RARB: variants seen among roughly 807,000 people sequenced by gnomAD.
The protein encoded by RARB is HBV-activated protein.
Under a neutral mutation model 51.9 loss-of-function variants are expected in RARB, and 17 were observed. That is an observed-to-expected ratio of 0.33 (90% CI 0.22 to 0.49). The LOEUF is 0.49. RARB is among the 20% of genes least tolerant of loss of function. The pLI, the probability that RARB is intolerant of heterozygous loss-of-function variation, is 0.99. For missense variants in RARB, 369 were observed against 550.8 expected, an observed-to-expected ratio of 0.67 and a Z score of 3.30; for synonymous variants, 215 against 195.4, an observed-to-expected ratio of 1.10 and a Z score of -0.84.
intron 3 of RARB, among the ~76,000 whole-genome samples, chr3:25,098,949 A>C (rs546500945): frequency 7.9e-5 from 12 of 152,324 alleles, no homozygotes; most frequent in Middle Eastern, 6.8e-3. Flanking sequence ...TAAGATATTT[A>C]AGATGCTGCA....
intron 5 of RARB, among the ~76,000 whole-genome samples, chr3:25,307,865 T>G (rs1704190598): frequency 6.6e-6 from 1 of 152,200 alleles, no homozygotes. Context: ...CTAAATAAAG[T>G]TTTATTGGAA....
intron 3 of RARB, among the ~76,000 whole-genome samples, chr3:25,545,023 A>G (rs1310052588): frequency 6.6e-6 from 1 of 152,150 alleles, no homozygotes; most frequent in Non-Finnish European, 1.5e-5. Context: ...GGGCAGTGGC[A>G]TGATCTCAGC....
At chr3:25,462,210 T>C (rs1048510808) in intron 2 of RARB, 2 of 152,250 alleles carry the variant, frequency 1.3e-5, no homozygotes, top group African/African-American at 4.8e-5. Flanking sequence ...GCTGAACATG[T>C]GTCAGAGAGT....
At chr3:25,229,082 A>T (rs1336315865) in intron 5 of RARB, among the ~76,000 whole-genome samples, 2 of 152,126 alleles carry the variant, frequency 1.3e-5, no homozygotes, top group Admixed American at 6.6e-5. Flanking sequence ...AAGACCTGCT[A>T]ACTTACCTTC....
intron 4 of RARB, among the ~76,000 whole-genome samples, chr3:25,153,334 A>G (rs1482619337): frequency 6.6e-6 from 1 of 152,238 alleles, no homozygotes; most frequent in Non-Finnish European, 1.5e-5. Context: ...CAGCTTAGTC[A>G]TCAAAAATAT....
chr3:25,117,932 G>A (rs183641873), intron 3 of RARB, among the ~76,000 whole-genome samples: 4 of 152,238 alleles, frequency 2.6e-5, no homozygotes, highest in Admixed American at 2.6e-4. Flanking sequence ...ACAATTGAAG[G>A]GTGAAATAAG....
chr3:25,322,944 G>C (rs1704613156), intron 5 of RARB, among the ~76,000 whole-genome samples: 1 of 152,138 alleles, frequency 6.6e-6, no homozygotes. Flanking sequence ...ATGATTCTGT[G>C]GGTCAAAAAT....
intron 1 of RARB, among the ~76,000 whole-genome samples, chr3:24,842,310 T>C (rs2125330932): frequency 6.6e-6 from 1 of 152,316 alleles, no homozygotes; most frequent in East Asian, 1.9e-4. Flanking sequence ...TACTTCAAAA[T>C]GGAATTATTT....
chr3:25,124,865 T>C (rs1309136251), intron 3 of RARB, among the ~76,000 whole-genome samples: 1 of 152,226 alleles, frequency 6.6e-6, no homozygotes, highest in Non-Finnish European at 1.5e-5. Flanking sequence ...ATGTTCCTTA[T>C]GTATTTTTAC....
At chr3:25,591,639 A>G (rs1403578708) in intron 5 of RARB, among the ~76,000 whole-genome samples, 1 of 152,230 alleles carries the variant, frequency 6.6e-6, no homozygotes, top group Non-Finnish European at 1.5e-5. Flanking sequence ...ATAATATACT[A>G]GTGTTTAGTA....
chr3:25,201,654 T>C (rs1701392748), intron 5 of RARB, among the ~76,000 whole-genome samples: 1 of 152,198 alleles, frequency 6.6e-6, no homozygotes. Flanking sequence ...TTGTTGAGTT[T>C]TGTCAAAGGC....
At chr3:24,850,314 C>G (rs1702540175) in intron 1 of RARB, among the ~76,000 whole-genome samples, 1 of 152,196 alleles carries the variant, frequency 6.6e-6, no homozygotes, top group African/African-American at 2.4e-5. Context: ...CAAGGTAGAG[C>G]TGAGTAGTTG....
intron 3 of RARB, among the ~76,000 whole-genome samples, chr3:25,072,470 G>C (rs1698786882): frequency 6.6e-6 from 1 of 152,142 alleles, no homozygotes; most frequent in Non-Finnish European, 1.5e-5. Context: ...TACCATTTGG[G>C]AGGAAAGATC....
At chr3:25,333,550 G>T (rs1375470708) in intron 5 of RARB, among the ~76,000 whole-genome samples, 1 of 152,142 alleles carries the variant, frequency 6.6e-6, no homozygotes, top group Non-Finnish European at 1.5e-5. Context: ...AGACTTAAAT[G>T]TTAGACCTAA....
chr3:25,010,393 AAAC>A lies in RARB; in HGVS notation c.-379-49731_-379-49729del, dbSNP rs1452478118. Among the ~76,000 whole-genome samples, 3 of 152,294 alleles carry A rather than the reference AAAC, an allele frequency of 2.0e-5. No homozygotes were observed. In the East Asian group the frequency reaches 5.8e-4, roughly 29 times the overall value. On this transcript the variant is annotated intron_variant, in intron 2 of 11. Coordinates refer to the RARB transcript ENST00000383772. Reference sequence around the variant, plus strand: ...TATAACTGCATGCACAAAATTGAAAAAACCATTTGTGTAATAATTAAAATGATC... The same window carrying A: ...TATAACTGCATGCACAAAATTGAAAACATTTGTGTAATAATTAAAATGATC...
chr3:24,935,861 G>C, intron 2 of RARB, among the ~76,000 whole-genome samples: 1 of 152,130 alleles, frequency 6.6e-6, no homozygotes, highest in South Asian at 2.1e-4. Context: ...TTGGCAGAGA[G>C]CTCTGTCCAA....
chr3:24,895,533 C>T (rs1021572202), intron 2 of RARB, among the ~76,000 whole-genome samples: 27 of 151,478 alleles, frequency 1.8e-4, no homozygotes, highest in African/African-American at 6.3e-4. Context: ...AAAATGCACT[C>T]AGGGAATTAA....
At chr3:25,584,903 G>T (rs552243153) in intron 5 of RARB, among the ~76,000 whole-genome samples, 1 of 152,042 alleles carries the variant, frequency 6.6e-6, no homozygotes, top group African/African-American at 2.4e-5. Context: ...CTCCAACCCC[G>T]CCTGGCCTGC....
chr3:25,267,251 A>G (rs1453337130), intron 5 of RARB, among the ~76,000 whole-genome samples: 1 of 152,136 alleles, frequency 6.6e-6, no homozygotes, highest in African/African-American at 2.4e-5. Flanking sequence ...TTATTTAGAG[A>G]GTATATCATT....
Sources: allele counts gnomAD v4.1 joint callset (sites outside exome capture counted in the v4.1 genomes callset), GRCh38; gene constraint gnomAD v4.1.1; transcripts MANE v1.5; gene names NCBI Gene and HGNC (gene_info 2026-07-23, HGNC 2026-07-21).